AGBL1: variants seen among roughly 807,000 people sequenced by gnomAD.
The protein encoded by AGBL1 is cytosolic carboxypeptidase 4.
AGBL1 carries 130 observed loss-of-function variants against 118.9 expected under a neutral mutation model. That is an observed-to-expected ratio of 1.09 (90% CI 0.95 to 1.26). The LOEUF (loss-of-function observed/expected upper bound fraction) is 1.26, where lower values mean the gene tolerates loss of function less well. Ranked by LOEUF, AGBL1 falls within the 50% of genes most tolerant of loss-of-function variation. AGBL1 has a pLI of 0.00. For missense variants in AGBL1, 1,584 were observed against 1,298.1 expected, an observed-to-expected ratio of 1.22 and a Z score of -3.38; for synonymous variants, 555 against 478.9, an observed-to-expected ratio of 1.16 and a Z score of -2.08.
In AGBL1 at chr15:86,323,498, A is replaced by G. The variant is rs150659534; in HGVS notation, c.2374+28090A>G. Among the ~76,000 whole-genome samples, 374 of 152,306 alleles carry G rather than the reference A, an allele frequency of 2.5e-3. 5 individuals carry two copies. In the South Asian group the frequency reaches 0.026, roughly 11 times the overall value. ...GCATTGTCATGTTAAATAACTAAATATAAATGGTCCATCCACTATCAGGAG... is the reference window on the plus strand; with the variant it reads ...GCATTGTCATGTTAAATAACTAAATGTAAATGGTCCATCCACTATCAGGAG... On this transcript the variant is annotated intron_variant, in intron 17 of 22. Coordinates refer to ENST00000614907, the MANE Select transcript of AGBL1 (RefSeq NM_001386094.1).
intron 21 of AGBL1, among the ~76,000 whole-genome samples, chr15:86,590,995 G>A (rs374030366): frequency 6.6e-6 from 1 of 152,156 alleles, no homozygotes; most frequent in African/African-American, 2.4e-5. Flanking sequence ...AATAATGTAC[G>A]TTATAGCTGT....
chr15:86,759,878 C>T (rs1412334131), intron 22 of AGBL1, among the ~76,000 whole-genome samples: 1 of 152,058 alleles, frequency 6.6e-6, no homozygotes, highest in Non-Finnish European at 1.5e-5. Context: ...ATTTCTGGTA[C>T]TTATGGTAAC....
chr15:86,262,596 T>G, intron 9 of AGBL1, 182 bp from the exon 10 acceptor site: 1 of 669,434 alleles, frequency 1.5e-6, no homozygotes, highest in Non-Finnish European at 2.7e-6. Flanking sequence ...TTTATCTTCT[T>G]TCTTTTTATT....
chr15:86,315,693 G>C lies in AGBL1; in HGVS notation c.2374+20285G>C, dbSNP rs141879432. 3.7e-3 allele frequency among the ~76,000 whole-genome samples: 546 copies of C among 148,908 alleles called. 6 individuals are homozygous for C. The highest frequency in any genetic ancestry group is 0.013 in the African/African-American group (506 of 39,920). ...AGATCACACCACCGCACTCCAGCCT[G>C]GGTGACAGAGTGAGACTTTTTCTCA... On this transcript the variant is annotated intron_variant, in intron 17 of 22. Transcript: ENST00000614907.
chr15:86,479,812 A>G (rs2082624258), intron 18 of AGBL1, among the ~76,000 whole-genome samples: 1 of 152,202 alleles, frequency 6.6e-6, no homozygotes, highest in Non-Finnish European at 1.5e-5. Flanking sequence ...ACTATTCACA[A>G]TAGCAAAGAC....
chr15:86,144,801 C>T (rs1411128576), intron 3 of AGBL1, among the ~76,000 whole-genome samples: 2 of 152,144 alleles, frequency 1.3e-5, no homozygotes, highest in Non-Finnish European at 2.9e-5. Context: ...GCACATTTAC[C>T]CTTGAACTTA....
At chr15:86,457,829 C>A (rs919204621) in intron 18 of AGBL1, among the ~76,000 whole-genome samples, 69 of 152,274 alleles carry the variant, frequency 4.5e-4, no homozygotes, top group African/African-American at 1.6e-3. Context: ...GCCAGACACA[C>A]ATACTCCAGC....
chr15:86,666,740 A>C (rs1456705209), intron 21 of AGBL1, among the ~76,000 whole-genome samples: 1 of 152,204 alleles, frequency 6.6e-6, no homozygotes, highest in African/African-American at 2.4e-5. Flanking sequence ...ATATTAATTC[A>C]CTGAATTATC....
Position 86,357,810 on chromosome 15 carries a change from T to C in AGBL1, c.2375-39556T>C, listed in dbSNP as rs182697126. Among the ~76,000 whole-genome samples, 354 of 152,252 alleles carry C rather than the reference T, an allele frequency of 2.3e-3. 2 individuals are homozygous for C. Among genetic ancestry groups the C allele is most frequent in the Admixed American group, 5.5e-3 (84 of 15,292 alleles). The stretch of plus-strand genomic sequence containing the variant: ...GTGAACAATTTTAAAATTAAAAAGT[T>C]GGCATTTCTGCTTCCCCAATTCATG... On this transcript the variant is annotated intron_variant, in intron 17 of 22. Coordinates refer to ENST00000614907, the MANE Select transcript of AGBL1 (RefSeq NM_001386094.1).
intron 5 of AGBL1, among the ~76,000 whole-genome samples, chr15:86,217,354 G>C (rs1457789855): frequency 6.6e-6 from 1 of 152,158 alleles, no homozygotes; most frequent in Non-Finnish European, 1.5e-5. Flanking sequence ...AAAAGGTTTA[G>C]CAAACATTTG....
At chr15:86,254,466 T>C (rs1206430188) in intron 7 of AGBL1, among the ~76,000 whole-genome samples, 1 of 152,246 alleles carries the variant, frequency 6.6e-6, no homozygotes, top group Non-Finnish European at 1.5e-5. Flanking sequence ...ACCTTGCCTA[T>C]GTATCATGCA....
At position 86,201,120 on chromosome 15, in the gene AGBL1, A is replaced by G. The variant is rs542287941; in HGVS notation, c.489-23794A>G. Among the ~76,000 whole-genome samples, 9 of 152,282 alleles carry G rather than the reference A, an allele frequency of 5.9e-5. No individual in the cohort carries two copies. In the East Asian group the frequency reaches 1.3e-3, roughly 23 times the overall value. On this transcript the variant is annotated intron_variant, in intron 5 of 22. Transcript: ENST00000614907. Reference sequence around the variant, plus strand: ...TTATATATGATAAATAGTCTTGTCTATTATTACCATTATACTCTACTTGGT... The same window carrying G: ...TTATATATGATAAATAGTCTTGTCTGTTATTACCATTATACTCTACTTGGT...
At chr15:86,543,942 A>G (rs1432584388) in intron 19 of AGBL1, among the ~76,000 whole-genome samples, 1 of 152,236 alleles carries the variant, frequency 6.6e-6, no homozygotes, top group African/African-American at 2.4e-5. Flanking sequence ...GAAGGCATAC[A>G]CAGGATATAG....
chr15:86,880,968 C>T (rs1246026959), intron 22 of AGBL1, among the ~76,000 whole-genome samples: 1 of 152,068 alleles, frequency 6.6e-6, no homozygotes, highest in Admixed American at 6.5e-5. Context: ...GTGTGTTCTT[C>T]AGGTGCACAC....
intron 21 of AGBL1, among the ~76,000 whole-genome samples, chr15:86,648,619 C>A (rs1295885857): frequency 2.0e-5 from 3 of 152,142 alleles, no homozygotes; most frequent in Admixed American, 1.3e-4. Flanking sequence ...CAAGAGTTCA[C>A]CGGAAAGGTC....
intron 22 of AGBL1, among the ~76,000 whole-genome samples, chr15:86,749,768 CAT>C (rs1266977620): frequency 6.6e-6 from 1 of 152,160 alleles, no homozygotes; most frequent in Non-Finnish European, 1.5e-5. Flanking sequence ...TTGAGATAAT[CAT>C]GTGGTTTTTG....
intron 22 of AGBL1, among the ~76,000 whole-genome samples, chr15:86,793,595 G>C (rs2078527909): frequency 6.6e-6 from 1 of 152,090 alleles, no homozygotes; most frequent in East Asian, 1.9e-4. Flanking sequence ...AAGCACAAGT[G>C]ACAAAAGAAA....
chr15:86,542,356 A>ATTT (rs71144054), intron 19 of AGBL1, among the ~76,000 whole-genome samples: 6 of 116,376 alleles, frequency 5.2e-5, no homozygotes, highest in South Asian at 2.8e-4. Flanking sequence ...CACCATTGAG[A>ATTT]TTTTTTTTTT....
At chr15:86,190,845 AGATATAAGCAAGAC>A (rs1284572445) in intron 5 of AGBL1, among the ~76,000 whole-genome samples, 1 of 152,226 alleles carries the variant, frequency 6.6e-6, no homozygotes, top group African/African-American at 2.4e-5. Flanking sequence ...CCCCTCTAAA[AGATATAAGCAAGAC>A]GGCGTACAAA....
Sources: allele counts gnomAD v4.1 joint callset (sites outside exome capture counted in the v4.1 genomes callset), GRCh38; gene constraint gnomAD v4.1.1; transcripts MANE v1.5; gene names NCBI Gene and HGNC (gene_info 2026-07-23, HGNC 2026-07-21).